Variants in MYH14 observed in about 807,000 individuals in gnomAD.
The protein encoded by MYH14 is myosin heavy chain 14, also known as myosin-14.
Under a neutral mutation model 255.5 loss-of-function variants are expected in MYH14, and 123 were observed. The ratio of observed to expected loss-of-function variants is 0.48; its 90% CI spans 0.42 to 0.56. The LOEUF is 0.56. MYH14 is among the 20% of genes least tolerant of loss of function. The pLI, the probability that MYH14 is intolerant of heterozygous loss-of-function variation, is 0.00. For missense variants in MYH14, 2,423 were observed against 2,802.3 expected (o/e 0.86, Z 3.06); for synonymous variants, 1,095 against 1,161.2 (o/e 0.94, Z 1.16).
Position 50,280,026 on chromosome 19 carries a change from C to G in MYH14, c.4033-11C>G. On this transcript the variant is annotated splice_polypyrimidine_tract_variant and intron_variant, in intron 30 of 42. Transcript: ENST00000642316. This position sits in a 1 kb window ranked among gnomAD's most constrained non-coding sequence, Gnocchi z 4.8. ...CGATTGGAGGGCTTCATTCCCGTCC[C>G]TTCCCTGCAGGCTGAACTGGAGAAT... The G allele has an allele frequency of 1.9e-6, 3 of 1,598,654 alleles. No homozygotes were observed. The highest frequency in any genetic ancestry group is 2.6e-6 in the Non-Finnish European group (3 of 1,171,732).
intron 24 of MYH14, among the ~76,000 whole-genome samples, chr19:50,269,596 G>A (rs1299707253): frequency 2.6e-5 from 4 of 152,194 alleles, no homozygotes; most frequent in Non-Finnish European, 5.9e-5. Flanking sequence ...GAGGGGGGCC[G>A]ACATCACACC....
intron 13 of MYH14, chr19:50,249,394 T>G (rs2034268063): frequency 1.7e-6 from 1 of 591,686 alleles, no homozygotes. Flanking sequence ...TCTGGGTCTC[T>G]GTCCTCTCTC....
chr19:50,301,632 T>A, intron 39 of MYH14, 29 bp from the exon 40 acceptor site: 1 of 1,588,644 alleles, frequency 6.3e-7, no homozygotes, highest in Non-Finnish European at 8.6e-7. Context: ...GACTCCACCA[T>A]GACATCCTTC....
rs529680350 is a variant in MYH14, at chr19:50,246,876, C to A, written c.1211-128C>A. ...GTACACACTTTTGGGACTCGTAATG[C>A]CTCTCCTGGGAAAGGCGGGGCCCGT... On this transcript the variant is annotated intron_variant, in intron 11 of 42. Coordinates refer to ENST00000642316, the MANE Select transcript of MYH14 (RefSeq NM_001145809.2). 70 of 641,030 alleles carry A rather than the reference C, an allele frequency of 1.1e-4. No homozygotes were observed. In the African/African-American group the frequency reaches 1.1e-3, roughly 10 times the overall value. 39.7% of individuals were successfully genotyped at this position (641,030 alleles called of 1,614,324 possible).
At chr19:50,258,532 T>C (rs2034678053) in intron 18 of MYH14, 1 of 151,904 alleles carries the variant, frequency 6.6e-6, no homozygotes, top group African/African-American at 2.4e-5. Context: ...AAGACCAGCC[T>C]GGGCAATGGC....
At chr19:50,265,243 G>A (rs927927345) in intron 22 of MYH14, among the ~76,000 whole-genome samples, 1 of 152,040 alleles carries the variant, frequency 6.6e-6, no homozygotes, top group African/African-American at 2.4e-5. Context: ...TGAGGTTAGG[G>A]GCTCACACCT....
rs369622115 is a variant in MYH14, at chr19:50,217,728, C to T, written c.519C>T (p.His173=). 46 of 1,613,828 alleles carry T rather than the reference C, an allele frequency of 2.9e-5. No individual in the cohort carries two copies. In the Middle Eastern group the frequency reaches 4.9e-4, roughly 17 times the overall value. The change falls in exon 3 of 43, where the codon CAC becomes CAT. Residue 173 remains histidine, a synonymous_variant. Coordinates refer to ENST00000642316, the MANE Select transcript of MYH14 (RefSeq NM_001145809.2). The part of the protein sequence containing the change: ...RGKKRHEVPP[H]VYAVTEGAYR... ...AGAAGCGCCACGAGGTGCCACCCCA[C>T]GTGTACGCAGTGACCGAGGGGGCCT...
chr19:50,227,455 C>A lies in MYH14; in HGVS notation c.874+489C>A, dbSNP rs547745872. ...GGCTGGCCACATCCCCGCCTGCACCCCCCGTCCCCCGCCCTTAGTATGAAC... is the reference window on the plus strand; with the variant it reads ...GGCTGGCCACATCCCCGCCTGCACCACCCGTCCCCCGCCCTTAGTATGAAC... On this transcript the variant is annotated intron_variant, in intron 8 of 42. Coordinates refer to ENST00000642316, the MANE Select transcript of MYH14 (RefSeq NM_001145809.2). 7.2e-5 allele frequency among the ~76,000 whole-genome samples: 11 copies of A among 152,218 alleles called. No individual in the cohort carries two copies. In the East Asian group the frequency reaches 1.9e-3, roughly 27 times the overall value.
rs374720181 is a variant in MYH14 at position 50,247,022 on chromosome 19, G to A, written c.1229G>A (p.Arg410His). 9.4e-5 allele frequency: 151 copies of A among 1,612,056 alleles called. No homozygotes were observed. The highest frequency in any genetic ancestry group is 1.2e-4 in the Non-Finnish European group (137 of 1,179,230). The change falls in exon 12 of 43, where the codon CGC becomes CAC. Residue 410 changes from arginine (R) to histidine (H), a missense_variant. Around this residue, in one of 3 missense-constraint regions of MYH14, gnomAD observed 672 missense variants for 881.8 expected, o/e 0.76. Transcript: ENST00000642316. ...PDNTAAQKLC[R>H]LLGLGVTDFS... ...CCCTCAGCTGCACAGAAGCTCTGCCGCCTCTTGGGACTGGGGGTGACGGAT... is the reference window on the plus strand; with the variant it reads ...CCCTCAGCTGCACAGAAGCTCTGCCACCTCTTGGGACTGGGGGTGACGGAT...
At chr19:50,222,984 T>C (rs1042380011) in intron 3 of MYH14, 99 bp from the exon 4 acceptor site, 2 of 1,197,662 alleles carry the variant, frequency 1.7e-6, no homozygotes, top group Admixed American at 3.4e-5. Context: ...CCTTACTCCC[T>C]GGGAATAATT....
chr19:50,221,021 C>T lies in MYH14; in HGVS notation c.563-2062C>T, dbSNP rs975973373. 6.6e-6 allele frequency among the ~76,000 whole-genome samples: 1 copy of T among 151,984 alleles called. No individual in the cohort carries two copies. Among genetic ancestry groups the T allele is most frequent in the Admixed American group, 6.5e-5 (1 of 15,268 alleles). The stretch of plus-strand genomic sequence containing the variant: ...CTATGAAATAGGTTATCTCCTTGTC[C>T]CTGATTTCTGGGTGGGGAAACTGAG... On this transcript the variant is annotated intron_variant, in intron 3 of 42. Coordinates refer to ENST00000642316, the MANE Select transcript of MYH14 (RefSeq NM_001145809.2). This position sits in a 1 kb window ranked among gnomAD's most constrained non-coding sequence, Gnocchi z 5.3.
intron 10 of MYH14, among the ~76,000 whole-genome samples, chr19:50,243,548 A>G (rs2033976412): frequency 6.6e-6 from 1 of 152,196 alleles, no homozygotes. Flanking sequence ...GGATCACTTG[A>G]GCCCAAGAGG....
At chr19:50,227,148 C>T (rs888144293) in intron 8 of MYH14, among the ~76,000 whole-genome samples, 182 bp downstream of exon 8, 4 of 152,042 alleles carry the variant, frequency 2.6e-5, no homozygotes, top group African/African-American at 7.2e-5. Context: ...GAGGCCAGCA[C>T]AGCCTCGCTA....
chr19:50,309,898 G>T lies in MYH14; in HGVS notation c.*108G>T. The T allele has an allele frequency of 8.3e-7, 1 of 1,206,696 alleles. No homozygotes were observed. The allele number at this position is 1,206,696 out of a possible 1,614,324, so 74.7% of individuals were successfully genotyped here. A position where few individuals can be genotyped will look rare whatever the true frequency, so the allele number is the denominator to read the frequency against. On this transcript the variant is annotated 3_prime_UTR_variant, in exon 43 of 43. Transcript: ENST00000642316. ...CCCGCCCTCTGACTTCTTGCCCTTT[G>T]GAAATGGTGCAGCACTCTGGCATTT...
intron 30 of MYH14, 120 bp downstream of exon 30, chr19:50,278,409 A>G: frequency 2.8e-6 from 2 of 709,790 alleles, no homozygotes; most frequent in Admixed American, 6.3e-5. Flanking sequence ...TTCCAACATA[A>G]TCATGTACAA....
At chr19:50,296,161 A>T (rs1338361692) in intron 39 of MYH14, among the ~76,000 whole-genome samples, 1 of 152,066 alleles carries the variant, frequency 6.6e-6, no homozygotes, top group Non-Finnish European at 1.5e-5. Context: ...TGTAGTTCTC[A>T]ATTTGACTTC....
At chr19:50,286,992 C>G (rs985419722) in intron 34 of MYH14, among the ~76,000 whole-genome samples, 1 of 152,168 alleles carries the variant, frequency 6.6e-6, no homozygotes, top group Non-Finnish European at 1.5e-5. Flanking sequence ...GTGGCACATG[C>G]CTGTAACCCC....
intron 17 of MYH14, 90 bp downstream of exon 17, chr19:50,255,408 C>T (rs1214991642): frequency 2.1e-6 from 2 of 949,380 alleles, no homozygotes; most frequent in Admixed American, 2.0e-5. Flanking sequence ...ACATCTGTCC[C>T]CTCTCCTCTT....
At chr19:50,281,549 A>G (rs2035718158) in intron 32 of MYH14, 45 bp from the exon 33 acceptor site, 1 of 1,523,772 alleles carries the variant, frequency 6.6e-7, no homozygotes, top group Non-Finnish European at 8.8e-7. Context: ...CACCTTGGTC[A>G]CTCATGGCCG....
Sources: allele counts gnomAD v4.1 joint callset (sites outside exome capture counted in the v4.1 genomes callset), GRCh38; gene constraint gnomAD v4.1.1; regional missense constraint gnomAD v4.1.1; non-coding constraint Gnocchi (gnomAD v3.1); transcripts MANE v1.5; gene names NCBI Gene and HGNC (gene_info 2026-07-23, HGNC 2026-07-21).